The following GAD2 variants were observed in gnomAD, a reference collection of about 807,000 sequenced individuals.
The protein encoded by GAD2 is glutamate decarboxylase 2, also known as 65 kDa glutamic acid decarboxylase.
Under a neutral mutation model 80.1 loss-of-function variants are expected in GAD2, and 22 were observed. The ratio of observed to expected loss-of-function variants is 0.27; its 90% CI spans 0.20 to 0.39. The LOEUF is 0.39. GAD2 is among the 10% of genes least tolerant of loss of function. GAD2 has a pLI of 1.00. For missense variants in GAD2, 624 were observed against 738.4 expected, an observed-to-expected ratio of 0.85 and a Z score of 1.80; for synonymous variants, 274 against 256.9, an observed-to-expected ratio of 1.07 and a Z score of -0.64.
rs542978988 is a variant in GAD2, at chr10:26,247,355, G to C, written c.920+1355G>C. ...GGTTTTGGCAAGGTCTTTATGACCT[G>C]TATCTTGTGCTGACCTCCTATCTCG... is the stretch of plus-strand genomic sequence containing the variant. On this transcript the variant is annotated intron_variant, in intron 8 of 15. Transcript: ENST00000376261. Among the ~76,000 whole-genome samples the C allele has an allele frequency of 1.7e-3, 259 of 151,986 alleles. 2 individuals carry two copies. The highest frequency in any genetic ancestry group is 5.8e-3 in the African/African-American group (240 of 41,272).
chr10:26,256,322 C>A (rs1229986815), intron 8 of GAD2, among the ~76,000 whole-genome samples: 3 of 152,062 alleles, frequency 2.0e-5, no homozygotes, highest in African/African-American at 7.2e-5. Context: ...CTTAATATCT[C>A]AATGTATGTT....
intron 10 of GAD2, among the ~76,000 whole-genome samples, chr10:26,272,421 T>C (rs1342298527): frequency 6.6e-6 from 1 of 152,200 alleles, no homozygotes; most frequent in African/African-American, 2.4e-5. Context: ...AAATTAGAAC[T>C]AGGGAATCTT....
At chr10:26,224,148 A>G (rs1474515627) in intron 5 of GAD2, among the ~76,000 whole-genome samples, 171 bp downstream of exon 5, 2 of 152,138 alleles carry the variant, frequency 1.3e-5, no homozygotes, top group Admixed American at 6.6e-5. Context: ...GTCCTGATAC[A>G]TCTTCCATGT....
intron 12 of GAD2, among the ~76,000 whole-genome samples, chr10:26,285,118 A>G (rs1171781426): frequency 6.6e-6 from 1 of 152,304 alleles, no homozygotes; most frequent in Middle Eastern, 3.4e-3. Context: ...TGAGTTCAGT[A>G]TATTTCTACT....
chr10:26,291,245 A>G (rs971403956), intron 13 of GAD2, among the ~76,000 whole-genome samples: 3 of 152,220 alleles, frequency 2.0e-5, no homozygotes, highest in African/African-American at 7.2e-5. Flanking sequence ...CCTACAGTCC[A>G]TCCCAAGTGA....
chr10:26,228,791 C>T (rs551240744), intron 6 of GAD2, among the ~76,000 whole-genome samples: 36 of 152,286 alleles, frequency 2.4e-4, no homozygotes, highest in African/African-American at 7.9e-4. Context: ...CAAAAGCATT[C>T]TCCACCCCAC....
At chr10:26,239,116 C>G (rs1237920005) in intron 7 of GAD2, among the ~76,000 whole-genome samples, 2 of 152,160 alleles carry the variant, frequency 1.3e-5, no homozygotes, top group African/African-American at 4.8e-5. Flanking sequence ...CCCACTAATT[C>G]CACCCACAAA....
chr10:26,263,575 C>CTATG (rs1322108505), intron 8 of GAD2, among the ~76,000 whole-genome samples: 1 of 152,220 alleles, frequency 6.6e-6, no homozygotes, highest in Non-Finnish European at 1.5e-5. Context: ...CCAAGTCAGT[C>CTATG]TATGCAGTTT....
chr10:26,236,927 G>A (rs570693665), intron 7 of GAD2, among the ~76,000 whole-genome samples: 1 of 152,302 alleles, frequency 6.6e-6, no homozygotes, highest in Admixed American at 6.5e-5. Context: ...GAACCTGAAA[G>A]CCTTGCTGAG....
chr10:26,254,391 C>T (rs1050587121), intron 8 of GAD2, among the ~76,000 whole-genome samples: 1 of 152,210 alleles, frequency 6.6e-6, no homozygotes, highest in Non-Finnish European at 1.5e-5. Context: ...GAATCTAATG[C>T]CACTGCTGAT....
intron 8 of GAD2, among the ~76,000 whole-genome samples, chr10:26,254,515 C>T (rs8190683): frequency 0.32 from 48,876 of 151,894 alleles, 8,270 homozygotes; most frequent in African/African-American, 0.43. Flanking sequence ...GTAATGGGGA[C>T]CCCTGTTGTA....
chr10:26,221,694 C>T (rs981023579), intron 4 of GAD2, among the ~76,000 whole-genome samples: 22 of 152,198 alleles, frequency 1.4e-4, no homozygotes, highest in African/African-American at 4.8e-4. Context: ...GCAGAGTCTG[C>T]GCATCCTTCC....
At chr10:26,216,715 C>G, upstream of GAD2, 1 of 1,050,062 alleles carries the variant, frequency 9.5e-7, no homozygotes, top group South Asian at 1.5e-5. The surrounding 1 kb of genome is among the most constrained non-coding windows in gnomAD (Gnocchi z 4.7). Flanking sequence ...GCCCTCCTCC[C>G]GCCACACGGG....
intron 7 of GAD2, among the ~76,000 whole-genome samples, chr10:26,240,362 A>T (rs1394963768): frequency 6.6e-6 from 1 of 152,144 alleles, no homozygotes; most frequent in African/African-American, 2.4e-5. Flanking sequence ...TTATTTTTTT[A>T]ATTACAAATA....
At chr10:26,263,891 C>T (rs1418227402) in intron 8 of GAD2, among the ~76,000 whole-genome samples, 2 of 152,182 alleles carry the variant, frequency 1.3e-5, no homozygotes, top group Non-Finnish European at 2.9e-5. Flanking sequence ...GGACATTTTG[C>T]ATATGTCATT....
chr10:26,246,380 GAGGGGA>G (rs1844811123), intron 8 of GAD2, among the ~76,000 whole-genome samples: 1 of 152,202 alleles, frequency 6.6e-6, no homozygotes, highest in Non-Finnish European at 1.5e-5. Flanking sequence ...GTGATTACAG[GAGGGGA>G]CGTAGTATAG....
intron 7 of GAD2, among the ~76,000 whole-genome samples, chr10:26,232,651 T>A (rs767111619): frequency 2.6e-5 from 4 of 151,864 alleles, no homozygotes; most frequent in Admixed American, 1.3e-4. Context: ...TACAGGCACG[T>A]GCCGCCACAC....
intron 7 of GAD2, among the ~76,000 whole-genome samples, chr10:26,232,468 A>ATTTTTTTTTTTTTTTTTTTTTTTTT (rs1564658024): frequency 7.6e-6 from 1 of 131,690 alleles, no homozygotes. Context: ...AACTCAGTCT[A>ATTTTTTTTTTTTTTTTTTTTTTTTT]CTTTTTTTTT....
chr10:26,282,866 T>A lies in GAD2; in HGVS notation c.1236+1779T>A, dbSNP rs1258135803. ...CAGGATTGAAGACAGCAACTTCCCCTCAAAATGAGATGAATGCATTGGAAA... is the reference window on the plus strand; with the variant it reads ...CAGGATTGAAGACAGCAACTTCCCCACAAAATGAGATGAATGCATTGGAAA... On this transcript the variant is annotated intron_variant, in intron 12 of 15. Transcript: ENST00000376261. 2.0e-5 allele frequency among the ~76,000 whole-genome samples: 3 copies of A among 152,190 alleles called. No individual in the cohort carries two copies. In the East Asian group the frequency reaches 5.8e-4, roughly 29 times the overall value.
Sources: allele counts gnomAD v4.1 joint callset (sites outside exome capture counted in the v4.1 genomes callset), GRCh38; gene constraint gnomAD v4.1.1; non-coding constraint Gnocchi (gnomAD v3.1); transcripts MANE v1.5; gene names NCBI Gene and HGNC (gene_info 2026-07-23, HGNC 2026-07-21).